VPS26C: variants seen among roughly 807,000 people sequenced by gnomAD.
VPS26C encodes VPS26 endosomal protein sorting factor C, also known as vacuolar protein sorting-associated protein 26C.
Under a neutral mutation model 30.6 loss-of-function variants are expected in VPS26C, and 19 were observed. The ratio of observed to expected loss-of-function variants is 0.62; its 90% CI spans 0.43 to 0.91. The LOEUF is 0.91. Among genes scored for constraint, VPS26C ranks in the 40% least tolerant of loss-of-function variants. The pLI is 0.00. For synonymous variants in VPS26C, 132 were observed against 151.5 expected (o/e 0.87, Z 0.95); for missense variants, 318 against 385.1 (o/e 0.83, Z 1.46).
In VPS26C at chr21:37,262,705, A is replaced by C. The variant is rs994996560; in HGVS notation, c.57+4533T>G. Among the ~76,000 whole-genome samples the C allele has an allele frequency of 1.1e-4, 16 of 152,334 alleles. 1 individual carries two copies. The highest frequency in any genetic ancestry group is 5.9e-4 in the Admixed American group (9 of 15,302). ...ATCAGTGGATACGTCCAAGGGCAGA[A>C]CAGGGAGTCAGGAAGAGTAAGGAGA... On this transcript the variant is annotated intron_variant, in intron 1 of 7. Transcript: ENST00000309117.
At chr21:37,259,208 A>T (rs991898485) in intron 1 of VPS26C, among the ~76,000 whole-genome samples, 3 of 146,444 alleles carry the variant, frequency 2.0e-5, no homozygotes, top group Non-Finnish European at 3.0e-5. Context: ...ATTTAAGCTT[A>T]AAAAAAAAAA....
chr21:37,252,041 C>A (rs1299176798), intron 1 of VPS26C, among the ~76,000 whole-genome samples: 1 of 152,168 alleles, frequency 6.6e-6, no homozygotes, highest in Non-Finnish European at 1.5e-5. Context: ...ACAAGGCCTT[C>A]CCTCCTAAAC....
chr21:37,258,620 G>A (rs2086271877), intron 1 of VPS26C, among the ~76,000 whole-genome samples: 1 of 152,198 alleles, frequency 6.6e-6, no homozygotes, highest in African/African-American at 2.4e-5. Flanking sequence ...AGAGGGCATG[G>A]CTGGCGACAC....
intron 1 of VPS26C, among the ~76,000 whole-genome samples, chr21:37,266,630 G>A (rs1486604716): frequency 6.6e-6 from 1 of 152,166 alleles, no homozygotes; most frequent in African/African-American, 2.4e-5. Flanking sequence ...CACAAAACCT[G>A]TTAATGGCAT....
At chr21:37,263,840 G>A (rs965744182) in intron 1 of VPS26C, among the ~76,000 whole-genome samples, 17 of 152,112 alleles carry the variant, frequency 1.1e-4, no homozygotes, top group South Asian at 4.1e-4. Context: ...TGAGATGTAC[G>A]GAGAAAAGAG....
intron 1 of VPS26C, 132 bp from the exon 2 acceptor site, chr21:37,240,771 C>A: frequency 8.0e-7 from 1 of 1,254,352 alleles, no homozygotes; most frequent in Non-Finnish European, 1.1e-6. Flanking sequence ...CACCTGGATA[C>A]CAGGGTGGAG....
chr21:37,267,209 CTCCA>C, intron 1 of VPS26C, 25 bp downstream of exon 1: 1 of 1,025,898 alleles, frequency 9.7e-7, no homozygotes, highest in Non-Finnish European at 1.5e-6. Flanking sequence ...CCAACCCCAC[CTCCA>C]TCCCCACCCC....
At chr21:37,258,182 C>T (rs1355127554) in intron 1 of VPS26C, among the ~76,000 whole-genome samples, 1 of 152,204 alleles carries the variant, frequency 6.6e-6, no homozygotes, top group Non-Finnish European at 1.5e-5. Context: ...TGCCACTGAC[C>T]CGGGCGCCTC....
At chr21:37,267,454 G>T, upstream of VPS26C, 1 of 492,904 alleles carries the variant, frequency 2.0e-6, no homozygotes, top group South Asian at 2.1e-5. Context: ...TAGCTCCGAG[G>T]GGCGAATGCC....
chr21:37,238,667 T>G, intron 2 of VPS26C, 58 bp from the exon 3 acceptor site: 1 of 1,590,798 alleles, frequency 6.3e-7, no homozygotes, highest in Non-Finnish European at 8.6e-7. Flanking sequence ...CCTTTCCAAT[T>G]ACTAATAACG....
chr21:37,243,538 C>A (rs1352654365), intron 1 of VPS26C, among the ~76,000 whole-genome samples: 2 of 152,190 alleles, frequency 1.3e-5, no homozygotes, highest in East Asian at 3.8e-4. Context: ...GCCAACCCCT[C>A]TTCAGGGTGA....
chr21:37,235,135 T>C (rs933176301), intron 3 of VPS26C, among the ~76,000 whole-genome samples: 2 of 152,028 alleles, frequency 1.3e-5, no homozygotes, highest in Non-Finnish European at 2.9e-5. Flanking sequence ...GCCTCCCGAG[T>C]AGCTGAGATT....
intron 4 of VPS26C, chr21:37,232,689 T>C (rs1245898625): frequency 3.4e-6 from 2 of 584,494 alleles, no homozygotes; most frequent in Admixed American, 6.0e-5. Flanking sequence ...AACGTGCCTT[T>C]CAGATTCAGA....
At chr21:37,267,457 C>G, upstream of VPS26C, 1 of 479,938 alleles carries the variant, frequency 2.1e-6, no homozygotes, top group Non-Finnish European at 3.4e-6. Flanking sequence ...CTCCGAGGGG[C>G]GAATGCCCAC....
At chr21:37,258,126 A>G (rs2086263586) in intron 1 of VPS26C, among the ~76,000 whole-genome samples, 1 of 152,248 alleles carries the variant, frequency 6.6e-6, no homozygotes, top group African/African-American at 2.4e-5. Flanking sequence ...GCCTGCAGCC[A>G]GCAGAAACCC....
intron 2 of VPS26C, 142 bp from the exon 3 acceptor site, chr21:37,238,751 G>T: frequency 1.1e-6 from 1 of 884,754 alleles, no homozygotes; most frequent in Non-Finnish European, 1.7e-6. Flanking sequence ...CGCTGGGTCT[G>T]GAGATGAACA....
upstream of VPS26C, chr21:37,267,772 CAGG>C (rs1411408909): frequency 5.3e-6 from 1 of 187,092 alleles, no homozygotes; most frequent in Non-Finnish European, 1.1e-5. Context: ...AGTTGTCTTT[CAGG>C]AGGTTTTAAC....
chr21:37,256,226 T>G (rs183880784), intron 1 of VPS26C, among the ~76,000 whole-genome samples: 326 of 152,342 alleles, frequency 2.1e-3, no homozygotes, highest in African/African-American at 7.3e-3. Flanking sequence ...AAACTTCAAC[T>G]TTGTTGCCTC....
At chr21:37,255,592 CA>C (rs982908070) in intron 1 of VPS26C, among the ~76,000 whole-genome samples, 3 of 152,110 alleles carry the variant, frequency 2.0e-5, no homozygotes, top group African/African-American at 7.2e-5. Flanking sequence ...CTATCAGAAG[CA>C]AAAGGGCCAC....
Sources: gnomAD v4.1 joint callset for allele counts (sites outside exome capture counted in the v4.1 genomes callset) on GRCh38, gnomAD v4.1.1 for gene constraint, MANE v1.5 for transcripts, NCBI Gene and HGNC (gene_info 2026-07-23, HGNC 2026-07-21) for gene names.